The following MICAL3 variants were observed in gnomAD, a reference collection of about 807,000 sequenced individuals.
The protein encoded by MICAL3 is [F-actin]-monooxygenase MICAL3.
Under a neutral mutation model 207.4 loss-of-function variants are expected in MICAL3, and 62 were observed. The ratio of observed to expected loss-of-function variants is 0.30; its 90% CI spans 0.24 to 0.37. The LOEUF is 0.37. Among genes scored for constraint, MICAL3 ranks in the 10% least tolerant of loss-of-function variants. The pLI is 1.00. For missense variants in MICAL3, 2,368 were observed against 2,635.6 expected (o/e 0.90, Z 2.22); for synonymous variants, 1,077 against 1,069.3 (o/e 1.01, Z -0.14).
chr22:17,837,423 T>C (rs900142385), intron 20 of MICAL3, among the ~76,000 whole-genome samples: 2 of 152,262 alleles, frequency 1.3e-5, no homozygotes, highest in Non-Finnish European at 2.9e-5. Flanking sequence ...CTAGCCCTCC[T>C]GACTTCTCTC....
intron 1 of MICAL3, among the ~76,000 whole-genome samples, chr22:17,918,308 G>A (rs1932668288): frequency 6.6e-6 from 1 of 151,796 alleles, no homozygotes; most frequent in East Asian, 1.9e-4. Context: ...GACCCAAAGA[G>A]CTATCAATAT....
chr22:17,924,454 T>C (rs544831361), intron 1 of MICAL3, among the ~76,000 whole-genome samples: 2 of 152,180 alleles, frequency 1.3e-5, no homozygotes, highest in Admixed American at 6.5e-5. Context: ...TAGATACAGG[T>C]TGGGCATCTC....
chr22:18,023,376 G>C (rs2146522161), intron 1 of MICAL3, among the ~76,000 whole-genome samples: 1 of 152,266 alleles, frequency 6.6e-6, no homozygotes, highest in East Asian at 1.9e-4. Flanking sequence ...CTAATGAATA[G>C]CACCACAGGG....
At chr22:17,964,707 T>G (rs1024586965) in intron 1 of MICAL3, among the ~76,000 whole-genome samples, 2 of 152,192 alleles carry the variant, frequency 1.3e-5, no homozygotes, top group East Asian at 3.9e-4. Context: ...TGCAGCAACT[T>G]AAAACCAGCT....
intron 1 of MICAL3, among the ~76,000 whole-genome samples, chr22:17,961,378 G>A (rs934330668): frequency 2.0e-5 from 3 of 152,134 alleles, no homozygotes; most frequent in African/African-American, 7.2e-5. Flanking sequence ...TGAATAACCC[G>A]CGGCCATTCT....
intron 1 of MICAL3, chr22:17,980,922 G>C: frequency 1.9e-6 from 1 of 533,330 alleles, no homozygotes. Context: ...GCCTGCCCCG[G>C]CCCCCACCAG....
At chr22:17,992,359 G>A (rs1321760034) in intron 1 of MICAL3, among the ~76,000 whole-genome samples, 1 of 152,182 alleles carries the variant, frequency 6.6e-6, no homozygotes, top group Non-Finnish European at 1.5e-5. Flanking sequence ...TTATGTGCAA[G>A]AAATAAAACC....
At chr22:17,849,689 T>TG (rs1925076858) in intron 19 of MICAL3, among the ~76,000 whole-genome samples, 28 of 50,614 alleles carry the variant, frequency 5.5e-4, no homozygotes, top group African/African-American at 2.3e-3. Flanking sequence ...TGTGTGTGTA[T>TG]TTTTTTTTTT....
chr22:17,848,273 T>C (rs1924852129), intron 19 of MICAL3, among the ~76,000 whole-genome samples: 1 of 152,206 alleles, frequency 6.6e-6, no homozygotes, highest in Non-Finnish European at 1.5e-5. Flanking sequence ...TGGACAGGGC[T>C]GTAAGCGGGA....
At chr22:17,946,841 C>T (rs1934090651) in intron 1 of MICAL3, among the ~76,000 whole-genome samples, 1 of 152,180 alleles carries the variant, frequency 6.6e-6, no homozygotes, top group African/African-American at 2.4e-5. Context: ...CTATTTTTAA[C>T]CTCTGGTCTT....
chr22:17,961,134 A>G (rs1344831486), intron 1 of MICAL3, among the ~76,000 whole-genome samples: 1 of 152,174 alleles, frequency 6.6e-6, no homozygotes, highest in African/African-American at 2.4e-5. Flanking sequence ...GCAAAAATCC[A>G]GAGGATGGCT....
intron 16 of MICAL3, among the ~76,000 whole-genome samples, chr22:17,873,361 G>A (rs1033411894): frequency 3.9e-5 from 6 of 152,246 alleles, no homozygotes; most frequent in East Asian, 1.9e-4. Flanking sequence ...TGTGGGTAGC[G>A]CACGTCGCCA....
intron 1 of MICAL3, among the ~76,000 whole-genome samples, chr22:17,932,645 A>C (rs1017714564): frequency 6.6e-6 from 1 of 152,216 alleles, no homozygotes; most frequent in Non-Finnish European, 1.5e-5. Flanking sequence ...CTTAAATGTA[A>C]ATGGGCTAAA....
At chr22:17,869,084 C>T (rs896752067) in intron 17 of MICAL3, among the ~76,000 whole-genome samples, 4 of 152,138 alleles carry the variant, frequency 2.6e-5, no homozygotes, top group Admixed American at 6.5e-5. Context: ...AGCAGAGCCA[C>T]GTCCTAAGGG....
chr22:17,873,084 AG>A (rs905377793), intron 16 of MICAL3, among the ~76,000 whole-genome samples: 9 of 152,234 alleles, frequency 5.9e-5, no homozygotes, highest in Admixed American at 2.0e-4. Context: ...GGACGGCTGC[AG>A]GGGAAGTGTC....
intron 1 of MICAL3, among the ~76,000 whole-genome samples, chr22:17,986,577 T>C (rs115023415): frequency 0.011 from 1,727 of 151,602 alleles, 41 homozygotes; most frequent in African/African-American, 0.04. Context: ...CCCATCTAAG[T>C]AGGCTGAAGG....
chr22:18,014,139 A>ACACACACT (rs1308493529), intron 1 of MICAL3, among the ~76,000 whole-genome samples: 2 of 151,858 alleles, frequency 1.3e-5, no homozygotes, highest in African/African-American at 4.8e-5. Context: ...ACACACACAC[A>ACACACACT]CACATTTCTT....
At chr22:17,966,168 T>C (rs1432522970) in intron 1 of MICAL3, among the ~76,000 whole-genome samples, 1 of 152,236 alleles carries the variant, frequency 6.6e-6, no homozygotes, top group Non-Finnish European at 1.5e-5. Context: ...CGTTTCCTTA[T>C]CATCCACTGC....
intron 2 of MICAL3, among the ~76,000 whole-genome samples, chr22:17,906,281 T>G (rs1388236498): frequency 1.3e-5 from 2 of 152,234 alleles, no homozygotes; most frequent in Non-Finnish European, 2.9e-5. Flanking sequence ...AGGTTAGACA[T>G]CCACAAAATT....
Sources: gnomAD v4.1 joint callset for allele counts (sites outside exome capture counted in the v4.1 genomes callset) on GRCh38, gnomAD v4.1.1 for gene constraint, MANE v1.5 for transcripts, NCBI Gene and HGNC (gene_info 2026-07-23, HGNC 2026-07-21) for gene names.